Variants in SLC17A9 observed in about 807,000 individuals in gnomAD.
SLC17A9 encodes solute carrier family 17 member 9, also known as voltage-gated purine nucleotide uniporter SLC17A9.
In SLC17A9, 49 loss-of-function variants were observed where a neutral mutation model predicts 55.0. That is an observed-to-expected ratio of 0.89 (90% CI 0.71 to 1.13). SLC17A9 has a LOEUF of 1.13. Ranked by LOEUF, SLC17A9 falls within the 50% of genes most tolerant of loss-of-function variation. The probability of loss-of-function intolerance (pLI) is 0.00; values close to 1 mark genes in which losing one functional copy is unlikely to be tolerated. For missense variants in SLC17A9, 526 were observed against 569.3 expected, an observed-to-expected ratio of 0.92 and a Z score of 0.77; for synonymous variants, 256 against 247.4, an observed-to-expected ratio of 1.03 and a Z score of -0.32.
rs1245810032 is a variant in SLC17A9, at chr20:62,960,501, C to T, written c.398-3C>T. On this transcript the variant is annotated splice_region_variant and splice_polypyrimidine_tract_variant and intron_variant, in intron 3 of 12. Transcript: ENST00000370351. ...TGAGAGACCCTCCCTCCACTTGTTG[C>T]AGGGGTTTACTTCCCTGCCCTGACC... 9.9e-6 allele frequency: 16 copies of T among 1,611,602 alleles called. No individual in the cohort carries two copies. Among genetic ancestry groups the T allele is most frequent in the Non-Finnish European group, 1.3e-5 (15 of 1,179,330 alleles).
At chr20:62,957,796 T>TGC (rs2065552089) in intron 3 of SLC17A9, among the ~76,000 whole-genome samples, 1 of 121,590 alleles carries the variant, frequency 8.2e-6, no homozygotes, top group South Asian at 3.0e-4. Context: ...CCTGTGTGTG[T>TGC]GTGCGTGTGC....
rs2065659965 is a variant in SLC17A9, at chr20:62,968,610, A to C, written c.*1110A>C. 1 of 152,340 alleles carries C rather than the reference A, an allele frequency of 6.6e-6. No homozygotes were observed. The allele number at this position is 152,340 out of a possible 1,614,324, so 9.4% of individuals were successfully genotyped here. A position where few individuals can be genotyped will look rare whatever the true frequency, so the allele number is the denominator to read the frequency against. The stretch of plus-strand genomic sequence containing the variant: ...TATTCAAAAAGAAGACTGTTATTTT[A>C]TTTAACACCTTTGTTTTTTAAGAAT... On this transcript the variant is annotated 3_prime_UTR_variant, in exon 13 of 13. Transcript: ENST00000370351.
In SLC17A9 at chr20:62,957,845, A is replaced by G. The variant is rs533582504; in HGVS notation, c.397+265A>G. Among the ~76,000 whole-genome samples, 518 of 115,832 alleles carry G rather than the reference A, an allele frequency of 4.5e-3. 11 individuals carry two copies. Among genetic ancestry groups the G allele is most frequent in the African/African-American group, 0.016 (483 of 30,994 alleles). The allele number at this position is 115,832 out of a possible 152,430, so 76.0% of individuals were successfully genotyped here. ...TGGGCATGCCCGCGTGCATGCGTGCACCTGTGCGTGTGCGTGTGCAAGTGT... is the reference window on the plus strand; with the variant it reads ...TGGGCATGCCCGCGTGCATGCGTGCGCCTGTGCGTGTGCGTGTGCAAGTGT... On this transcript the variant is annotated intron_variant, in intron 3 of 12. Transcript: ENST00000370351.
intron 1 of SLC17A9, among the ~76,000 whole-genome samples, chr20:62,956,457 G>A (rs1002189254): frequency 1.3e-4 from 20 of 152,266 alleles, no homozygotes; most frequent in Non-Finnish European, 2.8e-4. Flanking sequence ...TGTTCTCTTT[G>A]AGGGGAACAA....
At position 62,967,449 on chromosome 20, in the gene SLC17A9, GT is replaced by G. The variant is rs2065650930; in HGVS notation, c.1263del (p.Phe421LeufsTer9). 6.2e-7 allele frequency: 1 copy of G among 1,614,200 alleles called. No individual in the cohort carries two copies. The highest frequency in any genetic ancestry group is 8.5e-7 in the Non-Finnish European group (1 of 1,180,028). ...SNLGLCTFLVFGQAQRVDLSS... is the reference protein window; with the variant it reads ...SNLGLCTFLVXGQAQRVDLSS... ...ACCTGGGGCTGTGCACCTTCCTGGT[GT>G]TTGGACAGGCTCAGAGGGTGGACCT... On this transcript the variant is annotated frameshift_variant, in exon 13 of 13. Transcript: ENST00000370351. LOFTEE classifies it high-confidence loss of function.
Position 62,963,585 on chromosome 20 carries a change from G to T in SLC17A9, c.727G>T (p.Ala243Ser). The change falls in exon 7 of 13, where the codon GCA becomes TCA. Residue 243 changes from alanine (A) to serine (S), a missense_variant and splice_region_variant. Physicochemically the swap from Ala to Ser is moderately conservative, Grantham distance 99. Transcript: ENST00000370351. ...RRLFRKPAVW[A>S]AVVSQLSAAC... Reference sequence around the variant, plus strand: ...ACGGTCCACCATTGGGCCCCGCAGGGCAGCCGTCGTCTCCCAGCTCTCTGC... The same window carrying T: ...ACGGTCCACCATTGGGCCCCGCAGGTCAGCCGTCGTCTCCCAGCTCTCTGC... The T allele has an allele frequency of 6.3e-7, 1 of 1,590,836 alleles. No homozygotes were observed.
At position 62,967,358 on chromosome 20, in the gene SLC17A9, G is replaced by T. The variant is rs781724966; in HGVS notation, c.1169G>T (p.Gly390Val). Reference sequence around the variant, plus strand: ...GCAGGTGTCGTGGGTGTGTGTCTAGGCGGCTACTTGATGGAGACCACGGGC... The same window carrying T: ...GCAGGTGTCGTGGGTGTGTGTCTAGTCGGCTACTTGATGGAGACCACGGGC... ...ALAGVVGVCL[G>V]GYLMETTGSW... Residue 390 changes from glycine (G) to valine (V), a missense_variant, in exon 13 of 13, where the codon GGC becomes GTC. Gly to Val is a moderately radical substitution (Grantham distance 109, BLOSUM62 -3). Transcript: ENST00000370351. The T allele has an allele frequency of 6.2e-7, 1 of 1,614,056 alleles. No homozygotes were observed.
At chr20:62,957,346 A>G in intron 2 of SLC17A9, 95 bp from the exon 3 acceptor site, 1 of 1,504,898 alleles carries the variant, frequency 6.6e-7, no homozygotes, top group Non-Finnish European at 8.8e-7. Flanking sequence ...GGCCAGGCCC[A>G]GCTCTGAGCA....
intron 5 of SLC17A9, 47 bp from the exon 6 acceptor site, chr20:62,963,226 C>T (rs751383691): frequency 4.0e-5 from 63 of 1,588,108 alleles, no homozygotes; most frequent in East Asian, 1.6e-4. Context: ...CAACGGGTGG[C>T]GCCTCCCGCC....
intron 1 of SLC17A9, among the ~76,000 whole-genome samples, chr20:62,954,161 G>A (rs930393725): frequency 1.3e-5 from 2 of 152,132 alleles, no homozygotes; most frequent in African/African-American, 4.8e-5. Context: ...CAGGCTCGAT[G>A]TTTAAAAAGG....
rs1470342441 is a variant in SLC17A9 at position 62,957,454 on chromosome 20, A to G, written c.271A>G (p.Lys91Glu). 16 of 1,593,674 alleles carry G rather than the reference A, an allele frequency of 1.0e-5. No individual in the cohort carries two copies. Among genetic ancestry groups the G allele is most frequent in the Non-Finnish European group, 1.4e-5 (16 of 1,170,960 alleles). Residue 91 changes from lysine (K) to glutamate (E), a missense_variant, in exon 3 of 13, where the codon AAG becomes GAG. Coordinates refer to ENST00000370351, the MANE Select transcript of SLC17A9 (RefSeq NM_022082.4). ...TCTTCCCTCCAGGATTGGGGGTGAG[A>G]AGGTCATCCTGCTGTCAGCCTCTGC... Reference protein sequence around the residue: ...GHLGDRIGGEKVILLSASAWG... With the variant: ...GHLGDRIGGEEVILLSASAWG...
At position 62,962,825 on chromosome 20, in the gene SLC17A9, G is replaced by C; in HGVS notation, c.628+71G>C. 1 of 1,585,298 alleles carries C rather than the reference G, an allele frequency of 6.3e-7. No individual in the cohort carries two copies. The highest frequency in any genetic ancestry group is 8.6e-7 in the Non-Finnish European group (1 of 1,164,312). On this transcript the variant is annotated intron_variant, in intron 5 of 12. Transcript: ENST00000370351. This position sits in a 1 kb window ranked among gnomAD's most constrained non-coding sequence, Gnocchi z 5.5. ...AGTGCCTCCTCCCCTGGTGGCAGCC[G>C]CTGAGCAGCCTGGAGCAGGAGCCCG...
chr20:62,963,915 C>T (rs564110941), intron 7 of SLC17A9: 12 of 597,604 alleles, frequency 2.0e-5, no homozygotes, highest in Admixed American at 5.9e-5. Flanking sequence ...CCTGCTGCGG[C>T]TGCAGCCCTC....
At chr20:62,967,257 C>T in intron 12 of SLC17A9, 80 bp from the exon 13 acceptor site, 1 of 1,541,536 alleles carries the variant, frequency 6.5e-7, no homozygotes, top group Non-Finnish European at 8.9e-7. Context: ...CTTCCCCTGG[C>T]ACTACCTTGG....
chr20:62,953,062 C>A, intron 1 of SLC17A9, 173 bp downstream of exon 1: 1 of 1,209,972 alleles, frequency 8.3e-7, no homozygotes, highest in Non-Finnish European at 1.2e-6. Context: ...AAGTGAGTGC[C>A]CTGTCCTTCC....
chr20:62,963,650 C>G lies in SLC17A9; in HGVS notation c.792C>G (p.Thr264=), dbSNP rs767644979. 3.1e-6 allele frequency: 5 copies of G among 1,602,528 alleles called. No homozygotes were observed. The South Asian group carries it at 5.6e-5, about 18-fold the overall frequency. ...TCATCCTCCTCTCCTGGCTGCCCAC[C>G]TTCTTCGAGGAGACCTTCCCCGACG... is the stretch of plus-strand genomic sequence containing the variant. ...SFFILLSWLP[T]FFEETFPDAK... The change falls in exon 7 of 13, where the codon ACC becomes ACG. Residue 264 remains threonine, a synonymous_variant. Transcript: ENST00000370351.
At chr20:62,964,774 C>T (rs900689764) in intron 8 of SLC17A9, among the ~76,000 whole-genome samples, 2 of 152,240 alleles carry the variant, frequency 1.3e-5, no homozygotes, top group Non-Finnish European at 1.5e-5. Context: ...TTAGAATGTT[C>T]GTGTTTTTCC....
At chr20:62,955,123 ATTG>A (rs1160025860) in intron 1 of SLC17A9, among the ~76,000 whole-genome samples, 5 of 151,424 alleles carry the variant, frequency 3.3e-5, no homozygotes, top group Non-Finnish European at 5.9e-5. Flanking sequence ...CACTCAGCTA[ATTG>A]TTGTTTTTTT....
rs548116645 is a variant in SLC17A9 at position 62,968,779 on chromosome 20, G to C, written c.*1279G>C. The C allele has an allele frequency of 1.3e-5, 2 of 152,218 alleles. No homozygotes were observed. Among genetic ancestry groups the C allele is most frequent in the African/African-American group, 2.4e-5 (1 of 41,436 alleles). The allele number at this position is 152,218 out of a possible 1,614,324, so 9.4% of individuals were successfully genotyped here. ...TGCCAGCAGAGCCAGGCTGGGTTTC[G>C]GGGTTCCTTTGCCGCCAGGGGTCCT... is the stretch of plus-strand genomic sequence containing the variant. On this transcript the variant is annotated 3_prime_UTR_variant, in exon 13 of 13. Transcript: ENST00000370351.
Sources: gnomAD v4.1 joint callset for allele counts (sites outside exome capture counted in the v4.1 genomes callset) on GRCh38, gnomAD v4.1.1 for gene constraint, Gnocchi (gnomAD v3.1) non-coding constraint, MANE v1.5 for transcripts, NCBI Gene and HGNC (gene_info 2026-07-23, HGNC 2026-07-21) for gene names.